TP53I11: variants seen among roughly 807,000 people sequenced by gnomAD.
TP53I11 encodes tumor protein p53 inducible protein 11.
TP53I11 carries 9 observed loss-of-function variants against 23.3 expected under a neutral mutation model. The observed-to-expected ratio is 0.39, with a 90% confidence interval of 0.23 to 0.67. TP53I11 has a LOEUF of 0.67. TP53I11 is among the 30% of genes least tolerant of loss of function. The pLI, the probability that TP53I11 is intolerant of heterozygous loss-of-function variation, is 0.48. For synonymous variants in TP53I11, 100 were observed against 106.1 expected, an observed-to-expected ratio of 0.94 and a Z score of 0.35; for missense variants, 170 against 255.2, an observed-to-expected ratio of 0.67 and a Z score of 2.27.
At chr11:44,946,555 C>T (rs1590797818) in intron 1 of TP53I11, among the ~76,000 whole-genome samples, 1 of 152,226 alleles carries the variant, frequency 6.6e-6, no homozygotes, top group Non-Finnish European at 1.5e-5. Context: ...GTGGCAACCC[C>T]CGTCTCCATG....
intron 1 of TP53I11, among the ~76,000 whole-genome samples, chr11:44,946,506 G>A (rs752486309): frequency 6.6e-6 from 1 of 152,262 alleles, no homozygotes; most frequent in Non-Finnish European, 1.5e-5. Context: ...GAGCGGAACT[G>A]GCCGGGAGAG....
At chr11:44,948,858 A>T (rs1298082312) in intron 1 of TP53I11, among the ~76,000 whole-genome samples, 7 of 152,182 alleles carry the variant, frequency 4.6e-5, no homozygotes, top group Non-Finnish European at 1.5e-5. Context: ...ATCAAAAGAA[A>T]TTGGGAGGCT....
chr11:44,937,317 C>T lies in TP53I11; in HGVS notation c.224G>A (p.Gly75Asp), dbSNP rs1284734714. Residue 75 changes from glycine to aspartate, a missense_variant, in exon 4 of 7, where the codon GGC becomes GAC. Transcript: ENST00000525680. ...WQFVSAVLFSGIAIMALAFPD... is the reference protein window; with the variant it reads ...WQFVSAVLFSDIAIMALAFPD... ...GTGGGGGCTCACCATGATGGCAATG[C>T]CGGAGAAGAGCACAGCAGAGACGAA... 4 of 1,502,656 alleles carry T rather than the reference C, an allele frequency of 2.7e-6. No individual in the cohort carries two copies. Among genetic ancestry groups the T allele is most frequent in the Non-Finnish European group, 3.6e-6 (4 of 1,126,710 alleles). The allele number at this position is 1,502,656 out of a possible 1,614,324, so 93.1% of individuals were successfully genotyped here.
At position 44,936,868 on chromosome 11, in the gene TP53I11, G is replaced by C. The variant is rs758479755; in HGVS notation, c.269C>G (p.Ala90Gly). The C allele has an allele frequency of 1.2e-6, 2 of 1,608,720 alleles. No individual in the cohort carries two copies. The highest frequency in any genetic ancestry group is 1.7e-6 in the Non-Finnish European group (2 of 1,178,216). ...GGTCACCTGGGCTCCATCAAAGACCGCATCATAGAGCTGGTCAGGGAAGGC... is the reference window on the plus strand; with the variant it reads ...GGTCACCTGGGCTCCATCAAAGACCCCATCATAGAGCTGGTCAGGGAAGGC... The part of the protein sequence containing the change: ...ALAFPDQLYD[A>G]VFDGAQVTSK... The change falls in exon 5 of 7, where the codon GCG becomes GGG. Residue 90 changes from alanine (A) to glycine (G), a missense_variant. Coordinates refer to ENST00000525680, the MANE Select transcript of TP53I11 (RefSeq NM_006034.5). This position sits in a 1 kb window ranked among gnomAD's most constrained non-coding sequence, Gnocchi z 4.4.
At chr11:44,943,660 TC>T (rs1243260484) in intron 1 of TP53I11, among the ~76,000 whole-genome samples, 1 of 152,140 alleles carries the variant, frequency 6.6e-6, no homozygotes, top group Non-Finnish European at 1.5e-5. Context: ...CCCAGGGCCC[TC>T]CCAGGGCACT....
At chr11:44,940,167 A>G (rs1025895652) in intron 1 of TP53I11, among the ~76,000 whole-genome samples, 34 of 152,250 alleles carry the variant, frequency 2.2e-4, no homozygotes, top group African/African-American at 8.2e-4. Context: ...GAAAGTCACT[A>G]AGCCACTGGT....
rs1565142196 is a variant in TP53I11, at chr11:44,950,826, AGGG to A, written c.-184_-182del. On this transcript the variant is annotated 5_prime_UTR_variant, in exon 1 of 7. Transcript: ENST00000525680. ...AGGGCAGGACAGGGCAGGGCAGGGC[AGGG>A]CCGGGCCGGCTGGACTGCGCGCGGC... 3.5e-5 allele frequency: 4 copies of A among 113,472 alleles called. No individual in the cohort carries two copies. The South Asian group carries it at 1.1e-3, about 32-fold the overall frequency. The allele number at this position is 113,472 out of a possible 1,614,324, so 7.0% of individuals were successfully genotyped here.
rs750628546 is a variant in TP53I11, at chr11:44,934,917, A to G, written c.537T>C (p.Tyr179=). The change falls in exon 7 of 7, where the codon TAT becomes TAC. Residue 179 remains tyrosine, a synonymous_variant. Coordinates refer to ENST00000525680, the MANE Select transcript of TP53I11 (RefSeq NM_006034.5). ...LLFVVISIYY[Y]YQVGRRPKKA ...TCTTGGGTCTTCGGCCGACTTGGTA[A>G]TAGTAGTAAATGCTGATGACGACAA... is the stretch of plus-strand genomic sequence containing the variant. The G allele has an allele frequency of 9.3e-6, 15 of 1,614,036 alleles. 1 individual carries two copies. The African/African-American group carries it at 1.1e-4, about 11-fold the overall frequency.
intron 1 of TP53I11, among the ~76,000 whole-genome samples, chr11:44,941,238 G>A (rs1204507243): frequency 1.3e-5 from 2 of 152,182 alleles, no homozygotes; most frequent in Admixed American, 6.5e-5. Context: ...GGCCGGGGGA[G>A]GGGGCGCTGA....
chr11:44,936,512 G>A lies in TP53I11; in HGVS notation c.334+291C>T, dbSNP rs1861125632. ...TGTGAATTCCTAGAGGCTGGGCCTG[G>A]GCTTCCTCCATCTCTGTACCACAAC... On this transcript the variant is annotated intron_variant, in intron 5 of 6. Transcript: ENST00000525680. This position sits in a 1 kb window ranked among gnomAD's most constrained non-coding sequence, Gnocchi z 4.4. 1 of 1,243,378 alleles carries A rather than the reference G, an allele frequency of 8.0e-7. No individual in the cohort carries two copies. Among genetic ancestry groups the A allele is most frequent in the Non-Finnish European group, 1.0e-6 (1 of 994,376 alleles). The allele number at this position is 1,243,378 out of a possible 1,614,324, so 77.0% of individuals were successfully genotyped here.
Position 44,936,671 on chromosome 11 carries a change from CG to C in TP53I11, c.334+131del. ...CCCAGCAGAGAGCTTCATCAGAGGC[CG>C]GGGTGTGGGCGCAGCATCTGGCCGA... is the stretch of plus-strand genomic sequence containing the variant. On this transcript the variant is annotated intron_variant, in intron 5 of 6. Transcript: ENST00000525680. The surrounding 1 kb of genome is among the most constrained non-coding windows in gnomAD (Gnocchi z 4.4). The C allele has an allele frequency of 7.3e-7, 1 of 1,370,230 alleles. No individual in the cohort carries two copies. The highest frequency in any genetic ancestry group is 1.7e-5 in the South Asian group (1 of 58,972). 84.9% of individuals were successfully genotyped at this position (1,370,230 alleles called of 1,614,324 possible). A position where few individuals can be genotyped will look rare whatever the true frequency, so the allele number is the denominator to read the frequency against.
chr11:44,951,108 G>A (rs1862920580), upstream of TP53I11: 1 of 151,940 alleles, frequency 6.6e-6, no homozygotes, highest in East Asian at 2.0e-4. Context: ...GAAGCCGCGC[G>A]GGGAGACCCT....
At position 44,947,069 on chromosome 11, in the gene TP53I11, A is replaced by G. The variant is rs886283316; in HGVS notation, c.-32+3608T>C. On this transcript the variant is annotated intron_variant, in intron 1 of 6. Coordinates refer to ENST00000525680, the MANE Select transcript of TP53I11 (RefSeq NM_006034.5). ...TGAAGAGGGCGAGAGGTCAGGGCAG[A>G]GCAGGTGGCAAGAAGGAGGCATTCC... The G allele has an allele frequency of 6.6e-6, 3 of 456,270 alleles. No homozygotes were observed. The East Asian group carries it at 2.1e-4, about 32-fold the overall frequency. 28.3% of individuals were successfully genotyped at this position (456,270 alleles called of 1,614,324 possible).
intron 2 of TP53I11, 98 bp downstream of exon 2, chr11:44,938,109 C>T (rs956909367): frequency 2.1e-6 from 3 of 1,439,216 alleles, no homozygotes; most frequent in Non-Finnish European, 2.7e-6. Context: ...AGTCCTAGAA[C>T]TCCTGCGGCT....
chr11:44,935,508 G>A (rs1412610927), intron 6 of TP53I11, 53 bp downstream of exon 6: 2 of 1,547,806 alleles, frequency 1.3e-6, no homozygotes, highest in African/African-American at 1.4e-5. Flanking sequence ...GAGCAGGCAG[G>A]TCAGGGGCGA....
In TP53I11 at chr11:44,935,450, G is replaced by A. The variant is rs557102241; in HGVS notation, c.436+111C>T. The stretch of plus-strand genomic sequence containing the variant: ...TCCTTATCCCTCTATCCCCTCCCTA[G>A]CCCCCCACAGACAGGTTTTCATCAC... On this transcript the variant is annotated intron_variant, in intron 6 of 6. Coordinates refer to ENST00000525680, the MANE Select transcript of TP53I11 (RefSeq NM_006034.5). 1.6e-5 allele frequency: 15 copies of A among 963,228 alleles called. No homozygotes were observed. The East Asian group carries it at 3.3e-4, about 21-fold the overall frequency. 59.7% of individuals were successfully genotyped at this position (963,228 alleles called of 1,614,324 possible). A position where few individuals can be genotyped will look rare whatever the true frequency, so the allele number is the denominator to read the frequency against.
intron 1 of TP53I11, among the ~76,000 whole-genome samples, chr11:44,942,461 C>G (rs866372872): frequency 8.6e-6 from 1 of 116,122 alleles, no homozygotes; most frequent in Admixed American, 8.9e-5. Flanking sequence ...CACACACACA[C>G]ATACACACAC....
At chr11:44,944,062 A>G (rs1035639600) in intron 1 of TP53I11, among the ~76,000 whole-genome samples, 4 of 152,222 alleles carry the variant, frequency 2.6e-5, no homozygotes, top group African/African-American at 9.6e-5. Flanking sequence ...TTAAGCGAGC[A>G]GTCTCAGCCC....
In TP53I11 at chr11:44,934,610, A is replaced by G; in HGVS notation, c.*274T>C. On this transcript the variant is annotated 3_prime_UTR_variant, in exon 7 of 7. Coordinates refer to ENST00000525680, the MANE Select transcript of TP53I11 (RefSeq NM_006034.5). ...GTCTATTGAGGGGGTCTGGAGGCCA[A>G]GAGACCCAAGGAAAGGAGGTATCAC... 1 of 436,790 alleles carries G rather than the reference A, an allele frequency of 2.3e-6. No individual in the cohort carries two copies. Among genetic ancestry groups the G allele is most frequent in the Non-Finnish European group, 4.2e-6 (1 of 236,712 alleles). The allele number at this position is 436,790 out of a possible 1,614,324, so 27.1% of individuals were successfully genotyped here.
Sources: gnomAD v4.1 joint callset for allele counts (sites outside exome capture counted in the v4.1 genomes callset) on GRCh38, gnomAD v4.1.1 for gene constraint, Gnocchi (gnomAD v3.1) non-coding constraint, MANE v1.5 for transcripts, NCBI Gene and HGNC (gene_info 2026-07-23, HGNC 2026-07-21) for gene names.